PPA2: variants seen among roughly 807,000 people sequenced by gnomAD.
The protein encoded by PPA2 is inorganic pyrophosphatase 2, also known as inorganic pyrophosphatase 2, mitochondrial.
A neutral mutation model predicts 49.5 loss-of-function variants in PPA2; 48 were observed. The ratio of observed to expected loss-of-function variants is 0.97; its 90% CI spans 0.77 to 1.23. The LOEUF (loss-of-function observed/expected upper bound fraction) is 1.23. Ranked by LOEUF, PPA2 falls within the 50% of genes most tolerant of loss-of-function variation. The probability of loss-of-function intolerance (pLI) is 0.00; values close to 1 mark genes in which losing one functional copy is unlikely to be tolerated. For missense variants in PPA2, 429 were observed against 410.1 expected (o/e 1.05, Z -0.40); for synonymous variants, 131 against 139.9 (o/e 0.94, Z 0.45).
chr4:105,377,755 T>C (rs1351709040), intron 10 of PPA2, among the ~76,000 whole-genome samples: 1 of 152,140 alleles, frequency 6.6e-6, no homozygotes, highest in Non-Finnish European at 1.5e-5. Context: ...CATTATACAT[T>C]AGCTTGCATT....
At chr4:105,456,847 A>AT in intron 1 of PPA2, 102 bp from the exon 2 acceptor site, 1 of 897,450 alleles carries the variant, frequency 1.1e-6, no homozygotes, top group Non-Finnish European at 1.6e-6. Flanking sequence ...AAACTTACGC[A>AT]TTTTTTACAA....
chr4:105,382,792 A>G (rs1213713393), intron 10 of PPA2, among the ~76,000 whole-genome samples: 2 of 152,144 alleles, frequency 1.3e-5, no homozygotes, highest in Non-Finnish European at 2.9e-5. Context: ...TGAGGCCAGA[A>G]GTCTGAGGCC....
chr4:105,434,004 A>AT (rs1308441043), intron 6 of PPA2, among the ~76,000 whole-genome samples: 1 of 151,964 alleles, frequency 6.6e-6, no homozygotes, highest in Non-Finnish European at 1.5e-5. Flanking sequence ...ATTTATTATT[A>AT]TTTTTTTGAG....
chr4:105,403,012 T>TTC (rs140739063), intron 7 of PPA2, among the ~76,000 whole-genome samples: 2,783 of 149,808 alleles, frequency 0.019, 79 homozygotes, highest in African/African-American at 0.061. Flanking sequence ...CTTTCTTTCT[T>TTC]TCTCTCTCTC....
chr4:105,462,677 G>C, intron 1 of PPA2, among the ~76,000 whole-genome samples: 1 of 152,142 alleles, frequency 6.6e-6, no homozygotes, highest in East Asian at 1.9e-4. Context: ...ATATGGTTTG[G>C]CTGTGTCCCC....
chr4:105,399,358 A>C, intron 7 of PPA2, 194 bp from the exon 8 acceptor site: 3 of 484,162 alleles, frequency 6.2e-6, no homozygotes, highest in Non-Finnish European at 1.1e-5. Flanking sequence ...CATATGTATA[A>C]TACTATTCCT....
At chr4:105,427,784 T>C (rs1473940447) in intron 6 of PPA2, among the ~76,000 whole-genome samples, 1 of 152,162 alleles carries the variant, frequency 6.6e-6, no homozygotes, top group Non-Finnish European at 1.5e-5. Flanking sequence ...TTTAGGAAAT[T>C]ATCCAGGAGA....
chr4:105,375,335 C>T (rs1733205695), intron 10 of PPA2, among the ~76,000 whole-genome samples: 1 of 151,438 alleles, frequency 6.6e-6, no homozygotes, highest in African/African-American at 2.4e-5. Context: ...AATGTCTTTT[C>T]TTCATAAATC....
At chr4:105,395,213 T>C (rs1048647807) in intron 9 of PPA2, among the ~76,000 whole-genome samples, 1 of 152,136 alleles carries the variant, frequency 6.6e-6, no homozygotes, top group African/African-American at 2.4e-5. Context: ...GTAGGCAAAA[T>C]GGGCCTTCTT....
chr4:105,379,442 T>C (rs1476227088), intron 10 of PPA2, among the ~76,000 whole-genome samples: 1 of 100,146 alleles, frequency 1.0e-5, no homozygotes, highest in Non-Finnish European at 2.4e-5. Flanking sequence ...GATAGATAGA[T>C]AGATAGATAG....
At chr4:105,372,352 G>A (rs1048572256) in intron 10 of PPA2, among the ~76,000 whole-genome samples, 1 of 152,200 alleles carries the variant, frequency 6.6e-6, no homozygotes. Context: ...AGCAGGATCT[G>A]AGGAAGGCTC....
At chr4:105,449,026 G>A (rs1476296890) in intron 4 of PPA2, among the ~76,000 whole-genome samples, 1 of 126,342 alleles carries the variant, frequency 7.9e-6, no homozygotes, top group Admixed American at 7.3e-5. Flanking sequence ...AGACCATCCC[G>A]GCTAAAACGG....
intron 6 of PPA2, among the ~76,000 whole-genome samples, chr4:105,425,413 T>C (rs1464681881): frequency 6.6e-6 from 1 of 152,016 alleles, no homozygotes; most frequent in Admixed American, 6.5e-5. Context: ...CTAAGACATA[T>C]ATAATCTGAA....
At chr4:105,449,543 C>A in intron 3 of PPA2, 140 bp from the exon 4 acceptor site, 1 of 507,566 alleles carries the variant, frequency 2.0e-6, no homozygotes, top group Admixed American at 3.9e-5. Flanking sequence ...CTACCTATGC[C>A]TTAAATTTTT....
At chr4:105,450,032 T>C (rs1340319242) in intron 3 of PPA2, among the ~76,000 whole-genome samples, 3 of 152,210 alleles carry the variant, frequency 2.0e-5, no homozygotes, top group Non-Finnish European at 1.5e-5. Flanking sequence ...AAACTCACTA[T>C]GGCTTCACTT....
At chr4:105,473,026 T>G (rs1723590228) in intron 1 of PPA2, among the ~76,000 whole-genome samples, 1 of 152,122 alleles carries the variant, frequency 6.6e-6, no homozygotes, top group Non-Finnish European at 1.5e-5. Context: ...GAGCCAGTGC[T>G]CCGAAAAGGG....
At chr4:105,435,790 A>G (rs1179008658) in intron 6 of PPA2, among the ~76,000 whole-genome samples, 1 of 152,204 alleles carries the variant, frequency 6.6e-6, no homozygotes, top group African/African-American at 2.4e-5. Flanking sequence ...CGAACTAGGC[A>G]CTGAAGGAAC....
At chr4:105,409,346 G>A (rs1274475714) in intron 7 of PPA2, among the ~76,000 whole-genome samples, 1 of 152,228 alleles carries the variant, frequency 6.6e-6, no homozygotes, top group Non-Finnish European at 1.5e-5. Context: ...CTGGTGGGAG[G>A]AGGGGCGTCC....
At chr4:105,433,030 C>G (rs1455280068) in intron 6 of PPA2, among the ~76,000 whole-genome samples, 1 of 152,088 alleles carries the variant, frequency 6.6e-6, no homozygotes, top group Non-Finnish European at 1.5e-5. Flanking sequence ...TATAGAGCAC[C>G]TCAAATAATG....
Sources: allele counts gnomAD v4.1 joint callset (sites outside exome capture counted in the v4.1 genomes callset), GRCh38; gene constraint gnomAD v4.1.1; transcripts MANE v1.5; gene names NCBI Gene and HGNC (gene_info 2026-07-23, HGNC 2026-07-21).